The following PAM variants were observed in gnomAD, a reference collection of about 807,000 sequenced individuals.
PAM encodes the protein peptidylglycine alpha-amidating monooxygenase, also known as peptidyl-glycine alpha-amidating monooxygenase.
PAM carries 72 observed loss-of-function variants against 122.1 expected under a neutral mutation model. The ratio of observed to expected loss-of-function variants is 0.59; its 90% confidence interval spans 0.49 to 0.72. The LOEUF (loss-of-function observed/expected upper bound fraction) is 0.72. PAM is among the 30% of genes least tolerant of loss of function. PAM has a pLI of 0.00. For missense variants in PAM, 1,106 were observed against 1,183.7 expected, an observed-to-expected ratio of 0.93 and a Z score of 0.96; for synonymous variants, 389 against 404.4, an observed-to-expected ratio of 0.96 and a Z score of 0.46.
chr5:102,975,392 A>G (rs996978910), intron 15 of PAM, among the ~76,000 whole-genome samples: 10 of 152,184 alleles, frequency 6.6e-5, no homozygotes, highest in Non-Finnish European at 1.3e-4. Flanking sequence ...TTTTGTTCAC[A>G]TGAGAGTTTC....
intron 1 of PAM, among the ~76,000 whole-genome samples, chr5:102,799,434 A>G (rs1281227359): frequency 6.6e-6 from 1 of 152,196 alleles, no homozygotes; most frequent in Admixed American, 6.5e-5. Context: ...TTCATGCATA[A>G]CACATTAGGT....
chr5:102,881,533 C>G (rs1791082570), intron 3 of PAM, among the ~76,000 whole-genome samples: 1 of 151,934 alleles, frequency 6.6e-6, no homozygotes, highest in Admixed American at 6.6e-5. Context: ...AGTAAAACTA[C>G]TCATATCCTT....
intron 16 of PAM, among the ~76,000 whole-genome samples, chr5:103,002,287 T>C (rs1041328973): frequency 1.3e-5 from 2 of 152,082 alleles, no homozygotes; most frequent in African/African-American, 4.8e-5. Flanking sequence ...TTTGAAAGTA[T>C]ATATATATGA....
intron 3 of PAM, among the ~76,000 whole-genome samples, chr5:102,881,074 TAAC>T (rs1191163034): frequency 6.6e-6 from 1 of 151,090 alleles, no homozygotes; most frequent in Non-Finnish European, 1.5e-5. Context: ...TTTAAAAACT[TAAC>T]AGACCACTAA....
chr5:102,911,257 GT>G (rs1361656252), intron 4 of PAM, among the ~76,000 whole-genome samples: 1 of 151,902 alleles, frequency 6.6e-6, no homozygotes, highest in African/African-American at 2.4e-5. Context: ...TTAGTTGCTT[GT>G]TTTTGCTGTG....
intron 1 of PAM, among the ~76,000 whole-genome samples, chr5:102,833,894 G>T (rs1011900108): frequency 1.3e-5 from 2 of 152,036 alleles, no homozygotes; most frequent in African/African-American, 4.8e-5. Context: ...TAGTGTAATG[G>T]CCAATACACA....
chr5:102,924,527 C>G (rs953933729), intron 5 of PAM, among the ~76,000 whole-genome samples: 1 of 151,432 alleles, frequency 6.6e-6, no homozygotes, highest in African/African-American at 2.4e-5. Context: ...CTGTTTGTTG[C>G]TTTGGCCAGA....
chr5:102,879,730 A>C (rs533758243), intron 3 of PAM, among the ~76,000 whole-genome samples: 34 of 152,286 alleles, frequency 2.2e-4, no homozygotes, highest in South Asian at 1.2e-3. Context: ...ACCTAGTCTC[A>C]GGTAGTTCTT....
chr5:102,873,683 A>G (rs1788252035), intron 3 of PAM: 1 of 152,244 alleles, frequency 6.6e-6, no homozygotes, highest in Non-Finnish European at 1.5e-5. Context: ...TTATGAGACC[A>G]CATTGGGACT....
rs1785539616 is a variant in PAM at position 103,028,188 on chromosome 5, C to G, written c.2693C>G (p.Ser898Cys). ...RWKKSRAFGD[S>C]EHKLETSSGR... ...ATGTGCCATCTTTTTTTAGCAGATT[C>G]TGAACACAAACTCGAGACGAGTTCA... The change falls in exon 25 of 26, where the codon TCT becomes TGT. Residue 898 changes from serine to cysteine, a missense_variant. Physicochemically the swap from Ser to Cys is moderately radical, Grantham distance 112. Around this residue, in one of 3 missense-constraint regions of PAM, gnomAD observed 333 missense variants for 335.6 expected, o/e 0.99. Coordinates refer to ENST00000438793, the MANE Select transcript of PAM (RefSeq NM_001177306.2). The G allele has an allele frequency of 6.2e-7, 1 of 1,612,204 alleles. No homozygotes were observed. Among genetic ancestry groups the G allele is most frequent in the Non-Finnish European group, 8.5e-7 (1 of 1,178,540 alleles).
chr5:102,960,100 T>C (rs1188788576), intron 13 of PAM, 41 bp downstream of exon 13: 2 of 1,134,700 alleles, frequency 1.8e-6, no homozygotes, highest in Non-Finnish European at 2.5e-6. Flanking sequence ...TATGATTTTG[T>C]ATTTTATATT....
intron 12 of PAM, among the ~76,000 whole-genome samples, chr5:102,953,320 A>G (rs2150119804): frequency 6.6e-6 from 1 of 152,288 alleles, no homozygotes; most frequent in South Asian, 2.1e-4. Flanking sequence ...CCATAAATGG[A>G]TGAATGCATA....
chr5:102,951,747 A>G (rs1264728401), intron 12 of PAM, among the ~76,000 whole-genome samples: 5 of 152,120 alleles, frequency 3.3e-5, no homozygotes, highest in African/African-American at 7.2e-5. Context: ...TGGCTTTTTT[A>G]TATAAGTAAG....
At chr5:102,810,777 G>A (rs966857539) in intron 1 of PAM, among the ~76,000 whole-genome samples, 5 of 152,196 alleles carry the variant, frequency 3.3e-5, no homozygotes, top group South Asian at 4.1e-4. Context: ...GTGGTGAGCC[G>A]AGATCGCGCC....
At chr5:102,950,322 A>G (rs920261626) in intron 11 of PAM, among the ~76,000 whole-genome samples, 1 of 151,990 alleles carries the variant, frequency 6.6e-6, no homozygotes, top group Non-Finnish European at 1.5e-5. Context: ...TGCTCTTGTC[A>G]TAAAGTAGAA....
intron 7 of PAM, among the ~76,000 whole-genome samples, chr5:102,937,432 C>T (rs1753626304): frequency 6.6e-6 from 1 of 152,146 alleles, no homozygotes; most frequent in Admixed American, 6.6e-5. Context: ...GCCATGGCCT[C>T]TCAGGCCTTT....
At position 103,029,331 on chromosome 5, in the gene PAM, A is replaced by G; in HGVS notation, c.*266A>G. On this transcript the variant is annotated 3_prime_UTR_variant, in exon 26 of 26. Transcript: ENST00000438793. ...TTTCCATCATAATTCTAATCTAACA[A>G]TGGAAGATTTGCCCATTTACACTTT... 3.3e-6 allele frequency: 1 copy of G among 304,252 alleles called. No homozygotes were observed. Among genetic ancestry groups the G allele is most frequent in the Non-Finnish European group, 6.0e-6 (1 of 167,162 alleles). The allele number at this position is 304,252 out of a possible 1,614,324, so 18.8% of individuals were successfully genotyped here.
At chr5:102,948,510 C>T (rs771317638) in intron 9 of PAM, 65 bp downstream of exon 9, 34 of 771,036 alleles carry the variant, frequency 4.4e-5, no homozygotes, top group Admixed American at 8.9e-5. Context: ...TGGATTTATA[C>T]TGTATTTTTT....
At chr5:102,961,573 A>G (rs1303868041) in intron 14 of PAM, among the ~76,000 whole-genome samples, 1 of 151,902 alleles carries the variant, frequency 6.6e-6, no homozygotes, top group East Asian at 1.9e-4. Flanking sequence ...CATTTAAATT[A>G]TTGTATATTT....
Sources: allele counts gnomAD v4.1 joint callset (sites outside exome capture counted in the v4.1 genomes callset), GRCh38; gene constraint gnomAD v4.1.1; regional missense constraint gnomAD v4.1.1; transcripts MANE v1.5; gene names NCBI Gene and HGNC (gene_info 2026-07-23, HGNC 2026-07-21).